The following NRXN1 variants were observed in gnomAD, a reference collection of about 807,000 sequenced individuals.
NRXN1 encodes neurexin-1.
In NRXN1, 39 loss-of-function variants were observed where a neutral mutation model predicts 150.9. That is an observed-to-expected ratio of 0.26 (90% confidence interval 0.20 to 0.34). The LOEUF (loss-of-function observed/expected upper bound fraction) is 0.34. Ranked by LOEUF, NRXN1 falls within the 10% of genes least tolerant of loss-of-function variation. The pLI is 1.00. For synonymous variants in NRXN1, 924 were observed against 757.0 expected, an observed-to-expected ratio of 1.22 and a Z score of -3.62; for missense variants, 1,815 against 1,949.9, an observed-to-expected ratio of 0.93 and a Z score of 1.30.
intron 21 of NRXN1, among the ~76,000 whole-genome samples, chr2:49,990,377 A>G (rs78219056): frequency 0.015 from 2,262 of 152,246 alleles, 34 homozygotes; most frequent in Middle Eastern, 0.031. Context: ...AGGTGGCCAG[A>G]TGGAAGTTGT....
In NRXN1 at chr2:49,925,689, A is replaced by G. The variant is rs574891220; in HGVS notation, c.4217-3438T>C. Reference sequence around the variant, plus strand: ...AAGACATTTTTAAAAAATTAAAGCAATCTGCAACATGTTTTTCTCTTAGCA... The same window carrying G: ...AAGACATTTTTAAAAAATTAAAGCAGTCTGCAACATGTTTTTCTCTTAGCA... On this transcript the variant is annotated intron_variant, in intron 22 of 22. Coordinates refer to ENST00000401669, the MANE Select transcript of NRXN1 (RefSeq NM_001330078.2). 1.8e-4 allele frequency among the ~76,000 whole-genome samples: 27 copies of G among 152,296 alleles called. No homozygotes were observed. In the South Asian group the frequency reaches 1.9e-3, roughly 11 times the overall value.
chr2:50,640,086 AT>A (rs915880985), intron 5 of NRXN1, among the ~76,000 whole-genome samples: 9 of 152,186 alleles, frequency 5.9e-5, no homozygotes, highest in African/African-American at 2.2e-4. Flanking sequence ...TCTAGTATTC[AT>A]AAGTTGTCAA....
intron 21 of NRXN1, among the ~76,000 whole-genome samples, chr2:49,995,757 A>C (rs113480940): frequency 0.51 from 67,214 of 130,774 alleles, 17,682 homozygotes; most frequent in Middle Eastern, 0.61. Flanking sequence ...ATCCAGCCTG[A>C]GCGACAGAGC....
rs532574725 is a variant in NRXN1, at chr2:50,661,580, C to T, written c.833-37965G>A. On this transcript the variant is annotated intron_variant, in intron 5 of 22. Transcript: ENST00000401669. The stretch of plus-strand genomic sequence containing the variant: ...CAACAGCTGTTTAGACACATAGCCC[C>T]AGAGGCTGGTATGGTCTCCTATTTG... Among the ~76,000 whole-genome samples the T allele has an allele frequency of 2.6e-5, 4 of 152,164 alleles. No homozygotes were observed. The South Asian group carries it at 8.3e-4, about 32-fold the overall frequency.
chr2:50,133,214 C>T (rs1224118748), intron 18 of NRXN1, among the ~76,000 whole-genome samples: 1 of 134,970 alleles, frequency 7.4e-6, no homozygotes, highest in Non-Finnish European at 1.6e-5. Context: ...AGGTACCTGA[C>T]ATTCAATGCT....
chr2:50,462,604 A>G lies in NRXN1; in HGVS notation c.3364+2838T>C, dbSNP rs187129175. 3.3e-3 allele frequency among the ~76,000 whole-genome samples: 502 copies of G among 151,974 alleles called. 2 individuals are homozygous for G. The highest frequency in any genetic ancestry group is 0.011 in the African/African-American group (468 of 41,538). On this transcript the variant is annotated intron_variant, in intron 17 of 22. Transcript: ENST00000401669. ...CACACCTGCATATCCACATACACAC[A>G]TGCACAAAACAATTGTTTTTGTCAG...
At chr2:50,377,331 A>C (rs1241043907) in intron 17 of NRXN1, among the ~76,000 whole-genome samples, 1 of 152,038 alleles carries the variant, frequency 6.6e-6, no homozygotes, top group African/African-American at 2.4e-5. Flanking sequence ...CCCACTTATA[A>C]GTGAGAACAT....
At chr2:49,947,853 C>T (rs79928435) in intron 21 of NRXN1, among the ~76,000 whole-genome samples, 1 of 151,954 alleles carries the variant, frequency 6.6e-6, no homozygotes, top group East Asian at 1.9e-4. Context: ...ATGAAAAGTA[C>T]CTAGAAGGGG....
intron 18 of NRXN1, among the ~76,000 whole-genome samples, chr2:50,212,435 TAAGTC>T (rs143043218): frequency 0.12 from 18,198 of 151,636 alleles, 1,352 homozygotes; most frequent in African/African-American, 0.21. Flanking sequence ...CCCTACAACT[TAAGTC>T]TTGTAAGAGC....
chr2:49,919,390 T>C lies in NRXN1; in HGVS notation c.*2554A>G, dbSNP rs960781999. On this transcript the variant is annotated 3_prime_UTR_variant, in exon 23 of 23. Coordinates refer to ENST00000401669, the MANE Select transcript of NRXN1 (RefSeq NM_001330078.2). ...AATAAACTATATCAATCATTGCATG[T>C]AACTTTAAAATTTACGCTGGGGAGA... 1 of 152,136 alleles carries C rather than the reference T, an allele frequency of 6.6e-6. No individual in the cohort carries two copies. The highest frequency in any genetic ancestry group is 2.4e-5 in the African/African-American group (1 of 41,454). The allele number at this position is 152,136 out of a possible 1,614,324, so 9.4% of individuals were successfully genotyped here.
chr2:50,548,340 G>T (rs1346041363), intron 9 of NRXN1: 4 of 152,094 alleles, frequency 2.6e-5, no homozygotes, highest in Admixed American at 2.0e-4. Context: ...TTTCTCAGTG[G>T]CTTATTTCAA....
intron 21 of NRXN1, among the ~76,000 whole-genome samples, chr2:49,953,999 T>C (rs1177819112): frequency 6.6e-6 from 1 of 152,098 alleles, no homozygotes; most frequent in Non-Finnish European, 1.5e-5. Context: ...ATTCTGCATA[T>C]GTATCCCAGA....
intron 5 of NRXN1, among the ~76,000 whole-genome samples, chr2:50,712,919 A>G (rs912890024): frequency 6.6e-6 from 1 of 152,202 alleles, no homozygotes; most frequent in African/African-American, 2.4e-5. Flanking sequence ...TTCAAATTTA[A>G]ACATTTTATC....
chr2:50,423,117 C>A (rs575391181), intron 17 of NRXN1, among the ~76,000 whole-genome samples: 45 of 152,226 alleles, frequency 3.0e-4, no homozygotes, highest in African/African-American at 1.1e-3. Context: ...TTCCTCATTC[C>A]CTGGTGAAAC....
chr2:50,414,748 G>A (rs1264000021), intron 17 of NRXN1, among the ~76,000 whole-genome samples: 1 of 151,906 alleles, frequency 6.6e-6, no homozygotes, highest in African/African-American at 2.4e-5. Context: ...GTGTTTTGAG[G>A]TTGTATAACC....
intron 5 of NRXN1, among the ~76,000 whole-genome samples, chr2:50,780,156 T>C (rs965419589): frequency 6.6e-6 from 1 of 152,248 alleles, no homozygotes; most frequent in Non-Finnish European, 1.5e-5. Flanking sequence ...GTTGGCCATA[T>C]AAATGTCTTC....
chr2:50,282,676 T>C (rs114384672), intron 17 of NRXN1, among the ~76,000 whole-genome samples: 428 of 152,294 alleles, frequency 2.8e-3, no homozygotes, highest in African/African-American at 9.9e-3. Flanking sequence ...AGTATTTCTA[T>C]TTTTATATTA....
At chr2:50,892,249 T>G (rs576940399) in intron 5 of NRXN1, among the ~76,000 whole-genome samples, 1 of 152,236 alleles carries the variant, frequency 6.6e-6, no homozygotes, top group Admixed American at 6.5e-5. Flanking sequence ...ACATGGCATT[T>G]ATTAAGTCTG....
intron 18 of NRXN1, among the ~76,000 whole-genome samples, chr2:50,180,965 G>C (rs1000113834): frequency 6.6e-5 from 10 of 152,014 alleles, no homozygotes; most frequent in African/African-American, 2.4e-4. Flanking sequence ...TTTTGGGTTT[G>C]TGTAGTAAAT....
Sources: gnomAD v4.1 joint callset for allele counts (sites outside exome capture counted in the v4.1 genomes callset) on GRCh38, gnomAD v4.1.1 for gene constraint, MANE v1.5 for transcripts, NCBI Gene and HGNC (gene_info 2026-07-23, HGNC 2026-07-21) for gene names.